Variants in GNB1 observed in about 807,000 individuals in gnomAD.
GNB1 encodes guanine nucleotide-binding protein G(I)/G(S)/G(T) subunit beta-1.
A neutral mutation model predicts 42.9 loss-of-function variants in GNB1; 2 were observed. The ratio of observed to expected loss-of-function variants is 0.05; its 90% CI spans 0.02 to 0.15. The LOEUF is 0.15. Ranked by LOEUF, GNB1 falls within the 10% of genes least tolerant of loss-of-function variation. The probability of loss-of-function intolerance (pLI) is 1.00; values close to 1 mark genes in which losing one functional copy is unlikely to be tolerated. For synonymous variants in GNB1, 183 were observed against 174.7 expected, an observed-to-expected ratio of 1.05 and a Z score of -0.38; for missense variants, 193 against 462.2, an observed-to-expected ratio of 0.42 and a Z score of 5.34.
At chr1:1,865,598 C>T (rs913290578) in intron 1 of GNB1, among the ~76,000 whole-genome samples, 1 of 152,030 alleles carries the variant, frequency 6.6e-6, no homozygotes, top group African/African-American at 2.4e-5. Context: ...AAAGAACTAC[C>T]GGATTACAGT....
intron 1 of GNB1, among the ~76,000 whole-genome samples, chr1:1,883,925 T>G (rs1337297216): frequency 6.6e-6 from 1 of 152,000 alleles, no homozygotes; most frequent in African/African-American, 2.4e-5. Context: ...AAACCTATTG[T>G]AGACTCTTTT....
intron 1 of GNB1, among the ~76,000 whole-genome samples, chr1:1,884,915 C>A (rs1029687004): frequency 1.3e-5 from 2 of 150,906 alleles, no homozygotes; most frequent in Admixed American, 6.6e-5. Context: ...GATCTCCTGA[C>A]ATCGTGATCT....
chr1:1,836,194 G>A (rs546051054), intron 2 of GNB1, among the ~76,000 whole-genome samples: 7 of 151,962 alleles, frequency 4.6e-5, no homozygotes, highest in Non-Finnish European at 1.0e-4. Flanking sequence ...GGAGAGTCCC[G>A]GCTCCTCACG....
intron 1 of GNB1, among the ~76,000 whole-genome samples, chr1:1,860,268 G>A (rs1231745047): frequency 6.6e-6 from 1 of 151,936 alleles, no homozygotes; most frequent in Non-Finnish European, 1.5e-5. Context: ...TAGACAATGG[G>A]GACTATTAGA....
intron 5 of GNB1, among the ~76,000 whole-genome samples, chr1:1,814,908 C>A (rs552726679): frequency 2.2e-4 from 34 of 151,184 alleles, no homozygotes; most frequent in Non-Finnish European, 4.3e-4. Flanking sequence ...GTCAGGAGAT[C>A]CAGACCATCC....
At chr1:1,861,469 T>C (rs1648623570) in intron 1 of GNB1, among the ~76,000 whole-genome samples, 1 of 151,434 alleles carries the variant, frequency 6.6e-6, no homozygotes, top group South Asian at 2.1e-4. Flanking sequence ...ATAATAATAA[T>C]AATAATAATA....
chr1:1,890,798 G>A (rs925545211), intron 1 of GNB1, 22 bp downstream of exon 1: 6 of 148,376 alleles, frequency 4.0e-5, no homozygotes, highest in Non-Finnish European at 7.5e-5. Context: ...CCGGGTCCGG[G>A]GCTGGGGGCT....
intron 1 of GNB1, among the ~76,000 whole-genome samples, chr1:1,861,110 C>CAAAA (rs34626560): frequency 2.1e-4 from 22 of 106,964 alleles, no homozygotes; most frequent in Admixed American, 5.2e-4. Context: ...CTCTGTCTCA[C>CAAAA]AAAAAAAAAA....
intron 2 of GNB1, among the ~76,000 whole-genome samples, chr1:1,826,059 A>C (rs1435768473): frequency 6.6e-6 from 1 of 152,230 alleles, no homozygotes; most frequent in Non-Finnish European, 1.5e-5. Context: ...GGTTATAAAA[A>C]GAAAAATCTG....
At chr1:1,864,956 ATC>A (rs1461853283) in intron 1 of GNB1, among the ~76,000 whole-genome samples, 5 of 152,178 alleles carry the variant, frequency 3.3e-5, no homozygotes, top group Admixed American at 3.3e-4. Context: ...GCTATCTAAC[ATC>A]TGTTATAAAA....
chr1:1,854,480 G>T (rs1648157237), intron 1 of GNB1, among the ~76,000 whole-genome samples: 1 of 152,104 alleles, frequency 6.6e-6, no homozygotes, highest in Admixed American at 6.6e-5. Flanking sequence ...GTACAAAAAA[G>T]CTCAGTCATA....
At chr1:1,875,167 A>G (rs1007983744) in intron 1 of GNB1, among the ~76,000 whole-genome samples, 2 of 151,176 alleles carry the variant, frequency 1.3e-5, no homozygotes, top group African/African-American at 4.9e-5. Context: ...TTGGGGGCCC[A>G]TGCTTAGAAG....
At chr1:1,798,924 T>C (rs1570631887) in intron 7 of GNB1, among the ~76,000 whole-genome samples, 1 of 120,340 alleles carries the variant, frequency 8.3e-6, no homozygotes, top group Non-Finnish European at 2.0e-5. Flanking sequence ...TCACAAACAC[T>C]CTTTTTTTTT....
chr1:1,848,580 ATAG>A (rs1280396959), intron 1 of GNB1, among the ~76,000 whole-genome samples: 2 of 152,160 alleles, frequency 1.3e-5, no homozygotes, highest in African/African-American at 4.8e-5. Flanking sequence ...CACTCATTAA[ATAG>A]TAAATACATT....
At chr1:1,884,435 C>T (rs562664490) in intron 1 of GNB1, among the ~76,000 whole-genome samples, 1 of 152,244 alleles carries the variant, frequency 6.6e-6, no homozygotes, top group Admixed American at 6.5e-5. Context: ...TGGTCTTGAA[C>T]TCCCAACCTC....
intron 2 of GNB1, among the ~76,000 whole-genome samples, chr1:1,838,861 T>C (rs1474180575): frequency 2.0e-5 from 3 of 152,198 alleles, no homozygotes; most frequent in Non-Finnish European, 4.4e-5. Flanking sequence ...ACTGGGACCC[T>C]AAACCTTCTT....
In GNB1 at chr1:1,835,922, GAA is replaced by G. The variant is rs59271649; in HGVS notation, c.-47+3266_-47+3267del. Among the ~76,000 whole-genome samples, 278 of 88,678 alleles carry G rather than the reference GAA, an allele frequency of 3.1e-3. 1 individual carries two copies. Among genetic ancestry groups the G allele is most frequent in the African/African-American group, 9.2e-3 (196 of 21,224 alleles). 58.2% of individuals were successfully genotyped at this position (88,678 alleles called of 152,430 possible). On this transcript the variant is annotated intron_variant, in intron 2 of 11. Coordinates refer to ENST00000378609, the MANE Select transcript of GNB1 (RefSeq NM_002074.5). ...CCCCGTCTTACAAGAATTAAAAAAA[GAA>G]AAAAAAAAAAAAAAAAAAAGCCAGA...
chr1:1,830,277 T>G (rs1418773650), intron 2 of GNB1, among the ~76,000 whole-genome samples: 1 of 152,036 alleles, frequency 6.6e-6, no homozygotes, highest in Admixed American at 6.5e-5. Context: ...TTTTTTTTTT[T>G]TGAGATGGAG....
chr1:1,845,640 T>G (rs890622821), intron 1 of GNB1, among the ~76,000 whole-genome samples: 33 of 152,166 alleles, frequency 2.2e-4, no homozygotes, highest in African/African-American at 7.9e-4. Context: ...TATGGATATG[T>G]ATGCCAGAGC....
Sources: allele counts gnomAD v4.1 joint callset (sites outside exome capture counted in the v4.1 genomes callset), GRCh38; gene constraint gnomAD v4.1.1; transcripts MANE v1.5; gene names NCBI Gene and HGNC (gene_info 2026-07-23, HGNC 2026-07-21).